The following RANBP17 variants were observed in gnomAD, a reference collection of about 807,000 sequenced individuals.
RANBP17 encodes ran-binding protein 17.
In RANBP17, 158 loss-of-function variants were observed where a neutral mutation model predicts 141.2. That is an observed-to-expected ratio of 1.12 (90% CI 0.98 to 1.28). RANBP17 has a LOEUF of 1.28. Ranked by LOEUF, RANBP17 falls within the 50% of genes most tolerant of loss-of-function variation. RANBP17 has a pLI of 0.00. For synonymous variants in RANBP17, 430 were observed against 450.0 expected, an observed-to-expected ratio of 0.96 and a Z score of 0.56; for missense variants, 1,438 against 1,290.7, an observed-to-expected ratio of 1.11 and a Z score of -1.75.
intron 18 of RANBP17, among the ~76,000 whole-genome samples, chr5:171,191,544 A>G (rs1031373176): frequency 6.6e-6 from 1 of 152,102 alleles, no homozygotes; most frequent in Non-Finnish European, 1.5e-5. Flanking sequence ...AAAATTAGCC[A>G]GGCGTCATGG....
rs373507962 is a variant in RANBP17, at chr5:171,078,981, G to C, written c.1711-91149G>C. ...CATAAGACTGCAGCTGCCATAGATA[G>C]TGATTTCTCTGATGGATCTGGGCAA... On this transcript the variant is annotated intron_variant, in intron 14 of 27. Coordinates refer to ENST00000523189, the MANE Select transcript of RANBP17 (RefSeq NM_022897.5). 4.1e-4 allele frequency among the ~76,000 whole-genome samples: 62 copies of C among 152,290 alleles called. 1 individual carries two copies. The South Asian group carries it at 0.012, about 31-fold the overall frequency.
chr5:171,286,200 A>G (rs929364954), intron 25 of RANBP17, among the ~76,000 whole-genome samples: 1 of 152,212 alleles, frequency 6.6e-6, no homozygotes, highest in Non-Finnish European at 1.5e-5. Context: ...ATGTGGAAGC[A>G]TGCAGTGCTA....
At chr5:170,940,382 A>G (rs1390519491) in intron 12 of RANBP17, among the ~76,000 whole-genome samples, 1 of 152,190 alleles carries the variant, frequency 6.6e-6, no homozygotes, top group Admixed American at 6.5e-5. Flanking sequence ...AAACTTTTTG[A>G]GCACTGACAT....
At chr5:171,067,798 T>G (rs1171778008) in intron 14 of RANBP17, among the ~76,000 whole-genome samples, 1 of 152,144 alleles carries the variant, frequency 6.6e-6, no homozygotes, top group Non-Finnish European at 1.5e-5. Context: ...CAATTCTTAC[T>G]CACTACTTTG....
At chr5:171,196,592 G>C (rs1050226901) in intron 18 of RANBP17, among the ~76,000 whole-genome samples, 2 of 152,166 alleles carry the variant, frequency 1.3e-5, no homozygotes, top group Non-Finnish European at 2.9e-5. Flanking sequence ...GACAACAATA[G>C]TGCTAATGGC....
chr5:171,158,871 A>G (rs112696469), intron 14 of RANBP17, among the ~76,000 whole-genome samples: 62 of 152,284 alleles, frequency 4.1e-4, no homozygotes, highest in African/African-American at 1.4e-3. Context: ...TAACCTTCCT[A>G]AAGATTAAGG....
At chr5:170,977,108 G>A (rs185251332) in intron 14 of RANBP17, among the ~76,000 whole-genome samples, 5 of 151,904 alleles carry the variant, frequency 3.3e-5, no homozygotes, top group Non-Finnish European at 7.4e-5. Flanking sequence ...TAAAGGTCTC[G>A]CATCTAGAAT....
intron 1 of RANBP17, among the ~76,000 whole-genome samples, chr5:170,875,190 GA>G (rs780825811): frequency 1.4e-4 from 22 of 152,190 alleles, no homozygotes; most frequent in Non-Finnish European, 2.9e-4. Context: ...TTTCTGCAGA[GA>G]GATCTGTTGT....
rs191061341 is a variant in RANBP17, at chr5:170,932,486, A to C, written c.1468+7936A>C. 8.2e-3 allele frequency among the ~76,000 whole-genome samples: 1,248 copies of C among 152,292 alleles called. 17 individuals are homozygous for C. The highest frequency in any genetic ancestry group is 0.029 in the African/African-American group (1,188 of 41,546). ...AGAGAGGGCATCCCTGTCTTGTGCCAGTTTTCAAAGGGAATGCTACCAGTT... is the reference window on the plus strand; with the variant it reads ...AGAGAGGGCATCCCTGTCTTGTGCCCGTTTTCAAAGGGAATGCTACCAGTT... On this transcript the variant is annotated intron_variant, in intron 12 of 27. Coordinates refer to ENST00000523189, the MANE Select transcript of RANBP17 (RefSeq NM_022897.5).
intron 14 of RANBP17, among the ~76,000 whole-genome samples, chr5:171,060,483 T>C (rs1447461418): frequency 6.6e-6 from 1 of 151,956 alleles, no homozygotes; most frequent in Non-Finnish European, 1.5e-5. Context: ...TTGCATATAT[T>C]GAACCAGCCT....
intron 14 of RANBP17, among the ~76,000 whole-genome samples, chr5:171,033,200 A>G (rs1781659056): frequency 6.6e-6 from 1 of 152,036 alleles, no homozygotes; most frequent in Non-Finnish European, 1.5e-5. Flanking sequence ...GGTAGGTAGA[A>G]AGCTTTAAAC....
At chr5:170,880,362 C>G (rs998119602) in intron 2 of RANBP17, among the ~76,000 whole-genome samples, 1 of 152,152 alleles carries the variant, frequency 6.6e-6, no homozygotes, top group African/African-American at 2.4e-5. Flanking sequence ...CCAGTGTCTT[C>G]AGCTCTTTGA....
intron 14 of RANBP17, among the ~76,000 whole-genome samples, chr5:171,023,801 G>T (rs1450599681): frequency 6.6e-6 from 1 of 152,120 alleles, no homozygotes; most frequent in African/African-American, 2.4e-5. Flanking sequence ...TGAAATTTCT[G>T]TACTTTACTT....
chr5:171,047,817 T>C (rs888168250), intron 14 of RANBP17, among the ~76,000 whole-genome samples: 1 of 152,226 alleles, frequency 6.6e-6, no homozygotes, highest in Non-Finnish European at 1.5e-5. Flanking sequence ...CACATTTTTT[T>C]CCTCTAAGTA....
At chr5:171,176,289 C>T (rs1760478386) in intron 16 of RANBP17, among the ~76,000 whole-genome samples, 1 of 150,878 alleles carries the variant, frequency 6.6e-6, no homozygotes, top group African/African-American at 2.5e-5. Context: ...TTTACCCCTA[C>T]CTTTCCCAGC....
chr5:171,251,846 C>G (rs1765587372), intron 24 of RANBP17: 1 of 1,343,284 alleles, frequency 7.4e-7, no homozygotes, highest in African/African-American at 1.4e-5. Context: ...AAATTCGCTT[C>G]CATCTGTACC....
At chr5:170,924,233 GA>G (rs2127445781) in intron 11 of RANBP17, 123 bp from the exon 12 acceptor site, 1 of 605,716 alleles carries the variant, frequency 1.7e-6, no homozygotes, top group African/African-American at 1.8e-5. Flanking sequence ...GGCCCCAAGT[GA>G]ACCTCCTGCC....
chr5:171,056,365 G>A (rs538108369), intron 14 of RANBP17, among the ~76,000 whole-genome samples: 1 of 152,198 alleles, frequency 6.6e-6, no homozygotes, highest in African/African-American at 2.4e-5. Flanking sequence ...GATAACAATC[G>A]TTTGTGAATG....
chr5:171,139,642 T>A (rs1439833806), intron 14 of RANBP17, among the ~76,000 whole-genome samples: 1 of 152,162 alleles, frequency 6.6e-6, no homozygotes, highest in Non-Finnish European at 1.5e-5. Context: ...GTCACCAATC[T>A]ATCTGTTTCT....
Sources: allele counts gnomAD v4.1 joint callset (sites outside exome capture counted in the v4.1 genomes callset), GRCh38; gene constraint gnomAD v4.1.1; transcripts MANE v1.5; gene names NCBI Gene and HGNC (gene_info 2026-07-23, HGNC 2026-07-21).